The following KAZN variants were observed in gnomAD, a reference collection of about 807,000 sequenced individuals.
The protein encoded by KAZN is kazrin, periplakin interacting protein.
KAZN carries 40 observed loss-of-function variants against 87.4 expected under a neutral mutation model. The ratio of observed to expected loss-of-function variants is 0.46; its 90% CI spans 0.36 to 0.60. The LOEUF is 0.60. Ranked by LOEUF, KAZN falls within the 20% of genes least tolerant of loss-of-function variation. The pLI is 0.00. For missense variants in KAZN, 898 were observed against 1,073.9 expected (o/e 0.84, Z 2.29); for synonymous variants, 466 against 458.3 (o/e 1.02, Z -0.22).
intron 1 of KAZN, among the ~76,000 whole-genome samples, chr1:14,708,307 C>T (rs1642316531): frequency 6.6e-6 from 1 of 152,156 alleles, no homozygotes; most frequent in African/African-American, 2.4e-5. Context: ...GTAAGGAGAA[C>T]TCAGAGGTGA....
At chr1:14,965,266 C>T (rs1005309196) in intron 2 of KAZN, among the ~76,000 whole-genome samples, 17 of 151,990 alleles carry the variant, frequency 1.1e-4, no homozygotes, top group African/African-American at 3.6e-4. Context: ...GCAGTCTGCC[C>T]GGGTCGGCTT....
At chr1:14,419,910 A>C (rs907211457) in intron 2 of KAZN, among the ~76,000 whole-genome samples, 7 of 152,106 alleles carry the variant, frequency 4.6e-5, no homozygotes, top group Non-Finnish European at 1.0e-4. Context: ...CAACAATGGG[A>C]TTTATTGCAA....
At chr1:14,840,444 C>T (rs1572621796) in intron 1 of KAZN, among the ~76,000 whole-genome samples, 1 of 152,320 alleles carries the variant, frequency 6.6e-6, no homozygotes, top group South Asian at 2.1e-4. Context: ...AGAGACATTT[C>T]GCAAGCACAT....
At chr1:14,682,372 C>T (rs201842879) in intron 1 of KAZN, among the ~76,000 whole-genome samples, 20 of 151,498 alleles carry the variant, frequency 1.3e-4, no homozygotes, top group East Asian at 1.2e-3. Context: ...ATTGCAGCCT[C>T]GACCTCCTGG....
intron 2 of KAZN, among the ~76,000 whole-genome samples, chr1:14,577,734 C>G (rs1557811893): frequency 6.6e-6 from 1 of 152,150 alleles, no homozygotes; most frequent in Non-Finnish European, 1.5e-5. Flanking sequence ...CCTTCCCAAT[C>G]GTGATAGTGA....
chr1:14,834,710 C>T (rs760056681), intron 1 of KAZN, among the ~76,000 whole-genome samples: 17 of 152,070 alleles, frequency 1.1e-4, no homozygotes, highest in Middle Eastern at 3.4e-3. Flanking sequence ...AAATTTGTAT[C>T]GAGTAACTTG....
At chr1:14,109,734 A>G (rs1644456688) in intron 1 of KAZN, among the ~76,000 whole-genome samples, 1 of 140,698 alleles carries the variant, frequency 7.1e-6, no homozygotes, top group Non-Finnish European at 1.5e-5. Context: ...AAGAAGGCAA[A>G]GACTGGAGCC....
chr1:15,113,667 C>CTTTTTTTTTTTT (rs755641645), intron 14 of KAZN: 1 of 121,664 alleles, frequency 8.2e-6, no homozygotes, highest in Non-Finnish European at 1.7e-5. Flanking sequence ...TGGGACTTGA[C>CTTTTTTTTTTTT]TTTTTTTTTT....
intron 2 of KAZN, among the ~76,000 whole-genome samples, chr1:14,276,948 C>G (rs530499036): frequency 6.6e-6 from 1 of 152,144 alleles, no homozygotes; most frequent in Non-Finnish European, 1.5e-5. Context: ...TTAGGACTTC[C>G]GCCTATACAT....
At chr1:14,887,089 A>G (rs1333659606) in intron 1 of KAZN, among the ~76,000 whole-genome samples, 1 of 152,202 alleles carries the variant, frequency 6.6e-6, no homozygotes, top group Admixed American at 6.5e-5. Flanking sequence ...TGTTGCACTT[A>G]GCATAGTGCT....
chr1:14,573,665 G>GA (rs1675005974), intron 2 of KAZN, among the ~76,000 whole-genome samples: 1 of 151,960 alleles, frequency 6.6e-6, no homozygotes, highest in South Asian at 2.1e-4. Flanking sequence ...TTTTAAAAAA[G>GA]AAAGAAATAC....
chr1:15,094,750 C>G lies in KAZN; in HGVS notation c.1429-65C>G. 7.9e-7 allele frequency: 1 copy of G among 1,259,008 alleles called. No individual in the cohort carries two copies. The allele number at this position is 1,259,008 out of a possible 1,614,324, so 78.0% of individuals were successfully genotyped here. ...AAGGAGCCCCATGTCAACAGACCCC[C>G]TCTAGGGCAGGAACCCCGCCGGCAG... On this transcript the variant is annotated intron_variant, in intron 9 of 14. Transcript: ENST00000376030. The surrounding 1 kb of genome is among the most constrained non-coding windows in gnomAD (Gnocchi z 4.5).
Position 15,114,478 on chromosome 1 carries a change from T to A in KAZN, c.2171T>A (p.Leu724Gln). 1 of 1,610,366 alleles carries A rather than the reference T, an allele frequency of 6.2e-7. No individual in the cohort carries two copies. The highest frequency in any genetic ancestry group is 1.3e-5 in the African/African-American group (1 of 75,006). The change falls in exon 15 of 15, where the codon CTG (leucine) becomes CAG (glutamine). Residue 724 changes from leucine (L) to glutamine (Q), a missense_variant. Leu to Gln is a moderately radical substitution (Grantham distance 113). Coordinates refer to ENST00000376030, the MANE Select transcript of KAZN (RefSeq NM_201628.3). ...GLKYKAGRLP[L>Q]GKIGRGFSSK... ...ATATTCTTCTCTTCTCAGCTGCCCC[T>A]GGGGAAGATAGGAAGGGGCTTCAGC...
intron 2 of KAZN, among the ~76,000 whole-genome samples, chr1:14,375,276 G>T (rs1660805998): frequency 6.6e-6 from 1 of 152,096 alleles, no homozygotes; most frequent in Non-Finnish European, 1.5e-5. Context: ...GACCATCACA[G>T]AAAGCCAAAC....
At chr1:14,115,400 A>G (rs1356017950) in intron 1 of KAZN, among the ~76,000 whole-genome samples, 3 of 152,224 alleles carry the variant, frequency 2.0e-5, no homozygotes, top group African/African-American at 7.2e-5. Context: ...TCATGGGGGC[A>G]GGTCTTTCCT....
intron 2 of KAZN, among the ~76,000 whole-genome samples, chr1:14,417,124 A>G (rs1245392684): frequency 1.3e-5 from 2 of 151,306 alleles, no homozygotes; most frequent in African/African-American, 4.9e-5. Context: ...CCTGGGAGGG[A>G]GAGGTTGCAG....
chr1:14,321,586 C>T (rs1023303692), intron 2 of KAZN, among the ~76,000 whole-genome samples: 1 of 152,146 alleles, frequency 6.6e-6, no homozygotes, highest in African/African-American at 2.4e-5. Context: ...GCAGCCCTAG[C>T]CAGCTGTGCA....
At chr1:13,973,416 G>A (rs1050003095) in intron 1 of KAZN, among the ~76,000 whole-genome samples, 2 of 152,206 alleles carry the variant, frequency 1.3e-5, no homozygotes, top group Non-Finnish European at 2.9e-5. Flanking sequence ...ACCACTGGCA[G>A]AAGAGTAGAG....
At chr1:14,403,852 A>T (rs747933978) in intron 2 of KAZN, among the ~76,000 whole-genome samples, 2 of 152,226 alleles carry the variant, frequency 1.3e-5, no homozygotes, top group African/African-American at 2.4e-5. Flanking sequence ...CCTCATACCA[A>T]GGAAATCAAG....
Sources: gnomAD v4.1 joint callset for allele counts (sites outside exome capture counted in the v4.1 genomes callset) on GRCh38, gnomAD v4.1.1 for gene constraint, Gnocchi (gnomAD v3.1) non-coding constraint, MANE v1.5 for transcripts, NCBI Gene and HGNC (gene_info 2026-07-23, HGNC 2026-07-21) for gene names.